Variants in ARID1B observed in about 807,000 individuals in gnomAD.
The protein encoded by ARID1B is AT-rich interactive domain-containing protein 1B.
Under a neutral mutation model 212.3 loss-of-function variants are expected in ARID1B, and 30 were observed. That is an observed-to-expected ratio of 0.14 (90% CI 0.11 to 0.19). The LOEUF is 0.19. Ranked by LOEUF, ARID1B falls within the 10% of genes least tolerant of loss-of-function variation. The pLI is 1.00. For missense variants in ARID1B, 2,891 were observed against 3,204.0 expected (o/e 0.90, Z 2.36); for synonymous variants, 1,402 against 1,301.7 (o/e 1.08, Z -1.66).
intron 6 of ARID1B, among the ~76,000 whole-genome samples, chr6:157,126,524 G>A (rs980219030): frequency 6.6e-6 from 1 of 152,054 alleles, no homozygotes; most frequent in African/African-American, 2.4e-5. Context: ...GTACAAGTTC[G>A]GTGACTGTAT....
intron 4 of ARID1B, among the ~76,000 whole-genome samples, chr6:157,048,193 A>G (rs1427621114): frequency 6.6e-6 from 1 of 152,248 alleles, no homozygotes; most frequent in Non-Finnish European, 1.5e-5. Flanking sequence ...GAAAGAGCCA[A>G]TATGTTGGAA....
chr6:157,018,413 A>G (rs1780038696), intron 4 of ARID1B, among the ~76,000 whole-genome samples: 1 of 151,926 alleles, frequency 6.6e-6, no homozygotes, highest in African/African-American at 2.4e-5. Context: ...ACAGAGTTTC[A>G]CCATATTGGC....
chr6:157,087,003 A>G (rs1785006700), intron 5 of ARID1B, among the ~76,000 whole-genome samples: 1 of 152,194 alleles, frequency 6.6e-6, no homozygotes, highest in Non-Finnish European at 1.5e-5. Flanking sequence ...TAAAGTGTAT[A>G]GTTTGTTTTT....
At chr6:157,174,143 T>C (rs1184050265) in intron 10 of ARID1B, 26 bp downstream of exon 10, 3 of 1,597,950 alleles carry the variant, frequency 1.9e-6, no homozygotes, top group Non-Finnish European at 2.6e-6. Context: ...CTGCACGCGG[T>C]GTGAGGTCTG....
chr6:156,832,279 A>T (rs986023340), intron 2 of ARID1B, among the ~76,000 whole-genome samples: 1 of 152,256 alleles, frequency 6.6e-6, no homozygotes, highest in Admixed American at 6.5e-5. Flanking sequence ...ATTTGTTCAC[A>T]AACAGGGTCC....
rs2114967787 is a variant in ARID1B at position 156,778,263 on chromosome 6, C to T, written c.583C>T (p.Gln195Ter). 6.5e-7 allele frequency: 1 copy of T among 1,543,326 alleles called. No homozygotes were observed. The change falls in exon 1 of 20, where the codon CAG becomes TAG. Residue 195 changes from glutamine to a stop codon, truncating the protein, a stop_gained. Coordinates refer to ENST00000636930, the MANE Select transcript of ARID1B (RefSeq NM_001374828.1). LOFTEE classifies it high-confidence loss of function. ...HHHALQQQLN[Q>*]FQQQQQQQQQ... ...CCACGCACTACAGCAGCAGCTAAAC[C>T]AGTTCCAGCAGCAGCAGCAGCAGCA...
chr6:156,872,052 G>T (rs1786175819), intron 2 of ARID1B, among the ~76,000 whole-genome samples: 1 of 152,204 alleles, frequency 6.6e-6, no homozygotes, highest in Non-Finnish European at 1.5e-5. Flanking sequence ...CTGACATATT[G>T]TTGGGAAGTT....
rs189894782 is a variant in ARID1B at position 156,858,984 on chromosome 6, A to G, written c.1986+29563A>G. Among the ~76,000 whole-genome samples, 37 of 152,296 alleles carry G rather than the reference A, an allele frequency of 2.4e-4. 1 individual carries two copies. The East Asian group carries it at 6.8e-3, about 28-fold the overall frequency. Reference sequence around the variant, plus strand: ...GTGAAGGCCTAGGGCATTACTGTACACTACTGTAGACATTATCAACCCTAT... The same window carrying G: ...GTGAAGGCCTAGGGCATTACTGTACGCTACTGTAGACATTATCAACCCTAT... On this transcript the variant is annotated intron_variant, in intron 2 of 19. Coordinates refer to ENST00000636930, the MANE Select transcript of ARID1B (RefSeq NM_001374828.1).
intron 2 of ARID1B, among the ~76,000 whole-genome samples, chr6:156,856,174 C>G (rs1784915683): frequency 6.6e-6 from 1 of 152,102 alleles, no homozygotes; most frequent in South Asian, 2.1e-4. Flanking sequence ...TGTAGGTTGC[C>G]TAACGTTAAC....
chr6:156,921,742 A>T (rs568526677), intron 3 of ARID1B, among the ~76,000 whole-genome samples: 1 of 152,238 alleles, frequency 6.6e-6, no homozygotes, highest in Non-Finnish European at 1.5e-5. Flanking sequence ...TGTAAAAAAA[A>T]TTCAGCAGAA....
At chr6:156,931,433 A>G (rs189890939) in intron 3 of ARID1B, among the ~76,000 whole-genome samples, 102 of 152,216 alleles carry the variant, frequency 6.7e-4, no homozygotes, top group African/African-American at 2.5e-3. Flanking sequence ...GTGGGATACT[A>G]GTGTTTTCCT....
At position 156,778,027 on chromosome 6, in the gene ARID1B, C is replaced by G. The variant is rs1325414473; in HGVS notation, c.347C>G (p.Ala116Gly). The change falls in exon 1 of 20, where the codon GCG becomes GGG. Residue 116 changes from alanine to glycine, a missense_variant. This residue lies in a region of ARID1B where 1,643 missense variants were observed against 1,544.0 expected (regional missense o/e 1.06). Coordinates refer to ENST00000636930, the MANE Select transcript of ARID1B (RefSeq NM_001374828.1). ...AALKEGGSAA[A>G]LSSSSSSSAA... The stretch of plus-strand genomic sequence containing the variant: ...CTCAAGGAGGGTGGAAGCGCCGCCG[C>G]GCTGTCCTCCTCCTCCTCCTCCTCC... 1.3e-6 allele frequency: 2 copies of G among 1,534,420 alleles called. No homozygotes were observed. The highest frequency in any genetic ancestry group is 1.4e-5 in the African/African-American group (1 of 72,678).
rs6922467 is a variant in ARID1B, at chr6:156,963,602, T to C, written c.2247+28026T>C. On this transcript the variant is annotated intron_variant, in intron 4 of 19. Transcript: ENST00000636930. Reference sequence around the variant, plus strand: ...TTGTCTTTTTTGTTATATTAATCTTTAGTGTTCAGAATGATACTTAAGCGT... The same window carrying C: ...TTGTCTTTTTTGTTATATTAATCTTCAGTGTTCAGAATGATACTTAAGCGT... 5.9e-3 allele frequency among the ~76,000 whole-genome samples: 899 copies of C among 152,344 alleles called. 14 individuals are homozygous for C. The highest frequency in any genetic ancestry group is 0.021 in the African/African-American group (867 of 41,568).
chr6:157,083,793 A>C (rs577992894), intron 4 of ARID1B, among the ~76,000 whole-genome samples: 1 of 152,202 alleles, frequency 6.6e-6, no homozygotes, highest in Non-Finnish European at 1.5e-5. Flanking sequence ...TCACAATATC[A>C]TATATAAATA....
At chr6:156,961,272 G>C (rs997410807) in intron 4 of ARID1B, among the ~76,000 whole-genome samples, 1 of 152,206 alleles carries the variant, frequency 6.6e-6, no homozygotes, top group Admixed American at 6.5e-5. Flanking sequence ...AGCTTTCTCT[G>C]TCAGATAACA....
At chr6:157,194,590 C>T (rs763679484) in intron 15 of ARID1B, 1 of 152,220 alleles carries the variant, frequency 6.6e-6, no homozygotes, top group Non-Finnish European at 1.5e-5. Flanking sequence ...TGCTAATTTG[C>T]ATGTACTACC....
At chr6:156,874,645 T>C (rs1218672577) in intron 2 of ARID1B, among the ~76,000 whole-genome samples, 2 of 152,234 alleles carry the variant, frequency 1.3e-5, no homozygotes, top group East Asian at 3.8e-4. Flanking sequence ...CCTTTCTGAC[T>C]ATGTCCTTCA....
At chr6:157,136,204 G>A (rs1247433144) in intron 7 of ARID1B, among the ~76,000 whole-genome samples, 1 of 152,190 alleles carries the variant, frequency 6.6e-6, no homozygotes, top group Admixed American at 6.5e-5. Flanking sequence ...TTGCCTGGAT[G>A]CACAGTGACT....
intron 8 of ARID1B, 71 bp downstream of exon 8, chr6:157,149,022 T>C (rs1439354107): frequency 2.1e-6 from 3 of 1,452,258 alleles, no homozygotes; most frequent in African/African-American, 2.8e-5. Context: ...ACTGCGCACA[T>C]AGCTGCATTG....
Sources: gnomAD v4.1 joint callset for allele counts (sites outside exome capture counted in the v4.1 genomes callset) on GRCh38, gnomAD v4.1.1 for gene constraint, gnomAD v4.1.1 regional missense constraint, MANE v1.5 for transcripts, NCBI Gene and HGNC (gene_info 2026-07-23, HGNC 2026-07-21) for gene names.